Variants in MBNL2 observed in about 807,000 individuals in gnomAD.
MBNL2 encodes the protein muscleblind like splicing regulator 2.
MBNL2 carries 17 observed loss-of-function variants against 41.9 expected under a neutral mutation model. The ratio of observed to expected loss-of-function variants is 0.41; its 90% CI spans 0.28 to 0.61. The LOEUF (loss-of-function observed/expected upper bound fraction) is 0.61. MBNL2 is among the 20% of genes least tolerant of loss of function. MBNL2 has a pLI of 0.35. For synonymous variants in MBNL2, 195 were observed against 182.9 expected (o/e 1.07, Z -0.53); for missense variants, 336 against 505.6 (o/e 0.66, Z 3.22).
intron 2 of MBNL2, among the ~76,000 whole-genome samples, chr13:97,294,559 G>T (rs978988403): frequency 1.3e-5 from 2 of 152,186 alleles, no homozygotes; most frequent in African/African-American, 4.8e-5. Flanking sequence ...GCTGCCAAAT[G>T]ATATTCCTTC....
At chr13:97,188,236 T>C in the MBNL2 span, among the ~76,000 whole-genome samples, 5 of 152,130 alleles carry the variant, frequency 3.3e-5, no homozygotes, top group Non-Finnish European at 5.9e-5. Flanking sequence ...CTTGGTTCTC[T>C]CCTCTGCACC....
chr13:97,275,622 T>C lies in MBNL2; in HGVS notation c.-604-10T>C, dbSNP rs966751638. 6.6e-6 allele frequency: 1 copy of C among 152,280 alleles called. No individual in the cohort carries two copies. 9.4% of individuals were successfully genotyped at this position (152,280 alleles called of 1,614,324 possible). A position where few individuals can be genotyped will look rare whatever the true frequency, so the allele number is the denominator to read the frequency against. On this transcript the variant is annotated splice_polypyrimidine_tract_variant and intron_variant, in intron 1 of 8. Coordinates refer to ENST00000679496, the MANE Select transcript of MBNL2 (RefSeq NM_001382683.1). ...TGTGTAAAGGTTAATATTTCATTTC[T>C]GTTTTGCAGGTTTATCATTTAAAAG... is the stretch of plus-strand genomic sequence containing the variant.
chr13:97,203,875 T>TGGAC, the MBNL2 span, among the ~76,000 whole-genome samples: 30 of 23,874 alleles, frequency 1.3e-3, 1 homozygote, highest in East Asian at 0.02. Context: ...GATAAGTGAA[T>TGGAC]GGATGGATGG....
chr13:97,243,942 A>G (rs910054632), intron 1 of MBNL2, among the ~76,000 whole-genome samples: 3 of 152,180 alleles, frequency 2.0e-5, no homozygotes, highest in South Asian at 4.1e-4. Flanking sequence ...GGGCTTCTAC[A>G]TGTTCTCCCT....
the MBNL2 span, among the ~76,000 whole-genome samples, chr13:97,158,094 A>T: frequency 1.2e-4 from 18 of 151,982 alleles, no homozygotes; most frequent in East Asian, 3.5e-3. Context: ...GTCTATTCAG[A>T]GATTCAACTT....
intron 4 of MBNL2, among the ~76,000 whole-genome samples, chr13:97,344,355 C>A (rs1243716108): frequency 6.6e-6 from 1 of 152,168 alleles, no homozygotes; most frequent in African/African-American, 2.4e-5. Flanking sequence ...ATAGATTTTT[C>A]AGAGAGCTCC....
the MBNL2 span, among the ~76,000 whole-genome samples, chr13:97,176,173 T>C: frequency 6.6e-6 from 1 of 152,150 alleles, no homozygotes; most frequent in African/African-American, 2.4e-5. Context: ...ATGCTGGGTC[T>C]GACAAGAGAA....
At chr13:97,375,372 G>A (rs1345692134) in intron 8 of MBNL2, among the ~76,000 whole-genome samples, 2 of 152,218 alleles carry the variant, frequency 1.3e-5, no homozygotes, top group East Asian at 3.9e-4. Flanking sequence ...AAAACACCAA[G>A]TCCAGCTGGC....
chr13:97,260,703 T>C (rs1216339233), intron 1 of MBNL2, among the ~76,000 whole-genome samples: 1 of 152,046 alleles, frequency 6.6e-6, no homozygotes, highest in African/African-American at 2.4e-5. Flanking sequence ...TTTAAAGCCA[T>C]AAAACTGTAC....
chr13:97,300,531 C>T (rs1483626821), intron 2 of MBNL2, among the ~76,000 whole-genome samples: 1 of 152,126 alleles, frequency 6.6e-6, no homozygotes, highest in African/African-American at 2.4e-5. Context: ...AATCTAATGG[C>T]TCTGCTGATC....
At position 97,287,918 on chromosome 13, in the gene MBNL2, GTTTTTT is replaced by G. The variant is rs11423615; in HGVS notation, c.174+11514_174+11519del. Among the ~76,000 whole-genome samples, 13 of 124,618 alleles carry G rather than the reference GTTTTTT, an allele frequency of 1.0e-4. 1 individual carries two copies. Among genetic ancestry groups the G allele is most frequent in the African/African-American group, 2.8e-4 (8 of 28,778 alleles). The allele number at this position is 124,618 out of a possible 152,430, so 81.8% of individuals were successfully genotyped here. A position where few individuals can be genotyped will look rare whatever the true frequency, so the allele number is the denominator to read the frequency against. ...TGCCACCAGGCCCGGCTAATTTTCT[GTTTTTT>G]TTTTGTTTTGTTTTGTTTTTTTTTT... On this transcript the variant is annotated intron_variant, in intron 2 of 8. Transcript: ENST00000679496.
intron 2 of MBNL2, among the ~76,000 whole-genome samples, chr13:97,316,766 A>G (rs1187655501): frequency 6.6e-6 from 1 of 152,040 alleles, no homozygotes; most frequent in Non-Finnish European, 1.5e-5. Context: ...AGCACTCCCC[A>G]TCCTACTTAC....
chr13:97,311,739 G>A (rs1328909660), intron 2 of MBNL2, among the ~76,000 whole-genome samples: 2 of 151,900 alleles, frequency 1.3e-5, no homozygotes, highest in Non-Finnish European at 2.9e-5. Context: ...GGTCATGGAA[G>A]CTGCCTGAAT....
intron 2 of MBNL2, among the ~76,000 whole-genome samples, chr13:97,314,012 C>T (rs112949042): frequency 9.9e-4 from 151 of 152,268 alleles, no homozygotes; most frequent in African/African-American, 3.5e-3. Flanking sequence ...TGTTCTAGTG[C>T]ATTAACCCTC....
intron 1 of MBNL2, among the ~76,000 whole-genome samples, chr13:97,260,180 G>A (rs1003149434): frequency 6.6e-6 from 1 of 152,210 alleles, no homozygotes; most frequent in Non-Finnish European, 1.5e-5. Context: ...CAAGCTATGT[G>A]ACTATCTGGG....
At chr13:97,216,216 G>A in the MBNL2 span, among the ~76,000 whole-genome samples, 1 of 144,342 alleles carries the variant, frequency 6.9e-6, no homozygotes, top group East Asian at 2.0e-4. Context: ...CAACCAACAT[G>A]TTAAAAAAAA....
At chr13:97,345,929 A>T (rs2061805486) in intron 4 of MBNL2, among the ~76,000 whole-genome samples, 1 of 152,196 alleles carries the variant, frequency 6.6e-6, no homozygotes, top group Non-Finnish European at 1.5e-5. Context: ...GTGATTGAAG[A>T]TATAGAGAGA....
At chr13:97,291,930 C>T (rs991090942) in intron 2 of MBNL2, among the ~76,000 whole-genome samples, 8 of 105,070 alleles carry the variant, frequency 7.6e-5, no homozygotes, top group East Asian at 6.1e-4. Context: ...GGGCTGGGTG[C>T]GGTGGCTCAC....
At chr13:97,312,523 A>C (rs995441053) in intron 2 of MBNL2, among the ~76,000 whole-genome samples, 1 of 152,198 alleles carries the variant, frequency 6.6e-6, no homozygotes, top group African/African-American at 2.4e-5. Flanking sequence ...ATCATTGCAA[A>C]ATTCCTGGAT....
Sources: gnomAD v4.1 joint callset for allele counts (sites outside exome capture counted in the v4.1 genomes callset) on GRCh38, gnomAD v4.1.1 for gene constraint, MANE v1.5 for transcripts, NCBI Gene and HGNC (gene_info 2026-07-23, HGNC 2026-07-21) for gene names.